Variants in ZNF732 observed in about 807,000 individuals in gnomAD.
ZNF732 encodes zinc finger protein LOC654254.
In ZNF732, 12 loss-of-function variants were observed where a neutral mutation model predicts 11.5. The observed-to-expected ratio is 1.05, with a 90% CI of 0.67 to 1.70. The LOEUF is 1.70. ZNF732 is among the 40% of genes most tolerant of loss of function. The pLI, the probability that ZNF732 is intolerant of heterozygous loss-of-function variation, is 0.00. For synonymous variants in ZNF732, 231 were observed against 236.5 expected (o/e 0.98, Z 0.21); for missense variants, 702 against 676.9 (o/e 1.04, Z -0.41).
rs139781518 is a variant in ZNF732 at position 293,282 on chromosome 4, G to GTATATA, written c.226+2150_226+2155dup. Among the ~76,000 whole-genome samples, 23 of 140,262 alleles carry GTATATA rather than the reference G, an allele frequency of 1.6e-4. 1 individual carries two copies. Among genetic ancestry groups the GTATATA allele is most frequent in the African/African-American group, 6.1e-4 (23 of 37,698 alleles). 92.0% of individuals were successfully genotyped at this position (140,262 alleles called of 152,430 possible). On this transcript the variant is annotated intron_variant, in intron 3 of 3. Coordinates refer to ENST00000419098, the MANE Select transcript of ZNF732 (RefSeq NM_001137608.3). ...CACATATATATGTATATATGTATGT[G>GTATATA]TATATATATATATATATGTGTGTGT...
At position 271,216 on chromosome 4, in the gene ZNF732, T is replaced by A; in HGVS notation, c.1641A>T (p.Lys547Asn). The A allele has an allele frequency of 6.4e-7, 1 of 1,557,142 alleles. No individual in the cohort carries two copies. The highest frequency in any genetic ancestry group is 8.7e-7 in the Non-Finnish European group (1 of 1,149,824). ...KAFRRSRVLN[K>N]YKTIHTGDKT... ...TATCTCCAGTATGAATTGTCTTATA[T>A]TTATTCAGGACTCTGGAACGTCTAA... The change falls in exon 4 of 4, where the codon AAA becomes AAT. Residue 547 changes from lysine to asparagine, a missense_variant. Lys to Asn is a moderately conservative substitution (Grantham distance 94, BLOSUM62 0). Around this residue, in one of 3 missense-constraint regions of ZNF732, gnomAD observed 94 missense variants for 87.5 expected, o/e 1.07. Coordinates refer to ENST00000419098, the MANE Select transcript of ZNF732 (RefSeq NM_001137608.3).
At position 272,270 on chromosome 4, in the gene ZNF732, G is replaced by A. The variant is rs1719399311; in HGVS notation, c.587C>T (p.Thr196Ile). Reference protein sequence around the residue: ...QGIHAGEKPYTCEECGKDFKW... With the variant: ...QGIHAGEKPYICEECGKDFKW... ...AAAGTCTTTGCCACATTCTTCACAT[G>A]TGTAGGGTTTCTCTCCAGCATGAAT... The change falls in exon 4 of 4, where the codon ACA (threonine) becomes ATA (isoleucine). Residue 196 changes from threonine (T) to isoleucine (I), a missense_variant. Around this residue, in one of 3 missense-constraint regions of ZNF732, gnomAD observed 596 missense variants for 557.9 expected, o/e 1.07. Coordinates refer to ENST00000419098, the MANE Select transcript of ZNF732 (RefSeq NM_001137608.3). 8 of 1,613,042 alleles carry A rather than the reference G, an allele frequency of 5.0e-6. No individual in the cohort carries two copies. Among genetic ancestry groups the A allele is most frequent in the South Asian group, 1.1e-5 (1 of 90,992 alleles).
chr4:302,532 C>A (rs1446201375), intron 1 of ZNF732, among the ~76,000 whole-genome samples: 2 of 152,116 alleles, frequency 1.3e-5, no homozygotes, highest in African/African-American at 4.8e-5. Flanking sequence ...CTTCCAACAT[C>A]TTCATGACAG....
rs1553837751 is a variant in ZNF732 at position 272,062 on chromosome 4, A to C, written c.795T>G (p.Leu265=). ...CAGCATGAATTCTCTTATGCTTAGT[A>C]AGGGTTGAGGACCTATTAAAGGCTT... The part of the protein sequence containing the change: ...CGKAFNRSST[L]TKHKRIHAEE... The change falls in exon 4 of 4, where the codon CTT becomes CTG. Residue 265 remains leucine, a synonymous_variant. Coordinates refer to ENST00000419098, the MANE Select transcript of ZNF732 (RefSeq NM_001137608.3). The C allele has an allele frequency of 2.5e-6, 4 of 1,610,366 alleles. No individual in the cohort carries two copies. The highest frequency in any genetic ancestry group is 1.3e-5 in the African/African-American group (1 of 74,488).
intron 3 of ZNF732, among the ~76,000 whole-genome samples, chr4:273,311 C>G (rs782718955): frequency 8.6e-5 from 13 of 152,020 alleles, no homozygotes; most frequent in Non-Finnish European, 1.5e-4. Flanking sequence ...TGGCTTCAGA[C>G]TATGTCAGGA....
chr4:304,287 C>T (rs1384108572), intron 1 of ZNF732, among the ~76,000 whole-genome samples: 1 of 151,536 alleles, frequency 6.6e-6, no homozygotes, highest in African/African-American at 2.4e-5. Flanking sequence ...AACTCCTTTC[C>T]TCTAAGTTCC....
chr4:290,231 G>C (rs535622779), intron 3 of ZNF732, among the ~76,000 whole-genome samples: 34 of 152,298 alleles, frequency 2.2e-4, no homozygotes, highest in African/African-American at 7.7e-4. Flanking sequence ...GGGTTACTTG[G>C]AAAAAGCAGG....
In ZNF732 at chr4:305,328, G is replaced by A. The variant is rs782032651; in HGVS notation, c.-18C>T. On this transcript the variant is annotated 5_prime_UTR_variant, in exon 1 of 4. Coordinates refer to ENST00000419098, the MANE Select transcript of ZNF732 (RefSeq NM_001137608.3). ...CTCACCATTTCCCCACTTCAGGGGT[G>A]TAGCGGAGTCTCAGCTACGAATCAT... The A allele has an allele frequency of 2.3e-5, 37 of 1,607,782 alleles. No homozygotes were observed. The highest frequency in any genetic ancestry group is 2.8e-5 in the Non-Finnish European group (33 of 1,179,846).
rs61792073 is a variant in ZNF732 at position 271,622 on chromosome 4, T to C, written c.1235A>G (p.His412Arg). The part of the protein sequence containing the change: ...FTTLNEHKRI[H>R]TGERPHKCEE... Reference sequence around the variant, plus strand: ...ACATTTGTGGGGCCTCTCTCCAGTATGAATTCTCTTATGTTCATTAAGGGT... The same window carrying C: ...ACATTTGTGGGGCCTCTCTCCAGTACGAATTCTCTTATGTTCATTAAGGGT... The change falls in exon 4 of 4, where the codon CAT becomes CGT. Residue 412 changes from histidine to arginine, a missense_variant. By Grantham distance (29) the His-to-Arg change is conservative. This residue lies in a region of ZNF732 where 596 missense variants were observed against 557.9 expected (regional missense o/e 1.07). Transcript: ENST00000419098. The C allele has an allele frequency of 2.5e-6, 4 of 1,611,882 alleles. No homozygotes were observed. The highest frequency in any genetic ancestry group is 3.4e-6 in the Non-Finnish European group (4 of 1,178,814).
intron 3 of ZNF732, among the ~76,000 whole-genome samples, chr4:286,021 T>C (rs553624923): frequency 7.9e-5 from 12 of 152,382 alleles, no homozygotes; most frequent in African/African-American, 2.4e-4. Context: ...AAGTGGGATA[T>C]GTGTCCACAT....
At chr4:303,969 C>G (rs1035900907) in intron 1 of ZNF732, among the ~76,000 whole-genome samples, 19 of 152,166 alleles carry the variant, frequency 1.2e-4, no homozygotes, top group African/African-American at 3.9e-4. Context: ...TACCATCTGA[C>G]TGATTCATGT....
Position 296,022 on chromosome 4 carries a change from T to A in ZNF732, c.130+7A>T. On this transcript the variant is annotated splice_region_variant and intron_variant, in intron 2 of 3. Coordinates refer to ENST00000419098, the MANE Select transcript of ZNF732 (RefSeq NM_001137608.3). ...TATTAGGAATTATTTACTGAAGTTA[T>A]CCTCACCCAGGGAGATCAGGTTCCT... The A allele has an allele frequency of 6.2e-7, 1 of 1,608,784 alleles. No individual in the cohort carries two copies. Among genetic ancestry groups the A allele is most frequent in the Non-Finnish European group, 8.5e-7 (1 of 1,178,866 alleles).
At chr4:299,472 TACAC>T (rs536385252) in intron 1 of ZNF732, among the ~76,000 whole-genome samples, 2 of 80,944 alleles carry the variant, frequency 2.5e-5, no homozygotes, top group African/African-American at 5.0e-5. Flanking sequence ...TATATATATA[TACAC>T]ATATATACAC....
At chr4:279,838 A>C (rs1167297552) in intron 3 of ZNF732, among the ~76,000 whole-genome samples, 1 of 152,186 alleles carries the variant, frequency 6.6e-6, no homozygotes, top group African/African-American at 2.4e-5. Context: ...TGTTTCTTTG[A>C]CTACTCACCT....
intron 3 of ZNF732, among the ~76,000 whole-genome samples, chr4:283,104 G>A (rs1339042563): frequency 1.3e-5 from 2 of 152,090 alleles, no homozygotes; most frequent in African/African-American, 4.8e-5. Flanking sequence ...GTCATGAGAG[G>A]ATCAGTATCA....
intron 1 of ZNF732, among the ~76,000 whole-genome samples, chr4:304,252 G>A (rs1314420088): frequency 6.6e-6 from 1 of 151,956 alleles, no homozygotes; most frequent in East Asian, 1.9e-4. Flanking sequence ...CTGGCAGCAG[G>A]GTGCAGGGAA....
intron 1 of ZNF732, among the ~76,000 whole-genome samples, chr4:301,970 A>T (rs1442086556): frequency 6.6e-6 from 1 of 151,986 alleles, no homozygotes; most frequent in African/African-American, 2.4e-5. Flanking sequence ...TCACGGAATC[A>T]GTGTCAGATT....
At position 273,552 on chromosome 4, in the gene ZNF732, A is replaced by C. The variant is rs138811112; in HGVS notation, c.227-922T>G. Among the ~76,000 whole-genome samples the C allele has an allele frequency of 4.4e-3, 662 of 152,094 alleles. 4 individuals carry two copies. Among genetic ancestry groups the C allele is most frequent in the African/African-American group, 0.015 (633 of 41,558 alleles). ...ACTAAATGTAATCAGAAAAATGAGAACATCAATGAAAACATTAAAAACAAA... is the reference window on the plus strand; with the variant it reads ...ACTAAATGTAATCAGAAAAATGAGACCATCAATGAAAACATTAAAAACAAA... On this transcript the variant is annotated intron_variant, in intron 3 of 3. Transcript: ENST00000419098.
chr4:287,790 A>C (rs1719763234), intron 3 of ZNF732, among the ~76,000 whole-genome samples: 1 of 152,094 alleles, frequency 6.6e-6, no homozygotes, highest in Admixed American at 6.5e-5. Flanking sequence ...TACTTTGGAT[A>C]TTTTGAATAG....
Sources: allele counts gnomAD v4.1 joint callset (sites outside exome capture counted in the v4.1 genomes callset), GRCh38; gene constraint gnomAD v4.1.1; regional missense constraint gnomAD v4.1.1; transcripts MANE v1.5; gene names NCBI Gene and HGNC (gene_info 2026-07-23, HGNC 2026-07-21).